The following MICU2 variants were observed in gnomAD, a reference collection of about 807,000 sequenced individuals.
The protein encoded by MICU2 is calcium uptake protein 2, mitochondrial.
In MICU2, 64 loss-of-function variants were observed where a neutral mutation model predicts 60.4. The observed-to-expected ratio is 1.06, with a 90% CI of 0.87 to 1.31. The LOEUF (loss-of-function observed/expected upper bound fraction) is 1.31, where lower values mean the gene tolerates loss of function less well. Ranked by LOEUF, MICU2 falls within the 50% of genes most tolerant of loss-of-function variation. The pLI is 0.00. For missense variants in MICU2, 569 were observed against 531.0 expected (o/e 1.07, Z -0.70); for synonymous variants, 201 against 175.0 (o/e 1.15, Z -1.17).
intron 1 of MICU2, among the ~76,000 whole-genome samples, chr13:21,591,787 G>A (rs1410587689): frequency 6.6e-6 from 1 of 152,114 alleles, no homozygotes; most frequent in African/African-American, 2.4e-5. Flanking sequence ...GGTAAATAAA[G>A]AAATTAAGGG....
At chr13:21,548,756 T>A (rs1055724369) in intron 2 of MICU2, among the ~76,000 whole-genome samples, 3 of 151,976 alleles carry the variant, frequency 2.0e-5, no homozygotes, top group African/African-American at 7.3e-5. Context: ...CTCAAACTTG[T>A]TTGATCAAAA....
At chr13:21,497,471 G>T (rs1283477574) in intron 9 of MICU2, among the ~76,000 whole-genome samples, 1 of 152,186 alleles carries the variant, frequency 6.6e-6, no homozygotes, top group African/African-American at 2.4e-5. Context: ...CACTTTGGAA[G>T]GCTGAGGTGG....
At chr13:21,495,388 A>G in intron 10 of MICU2, 70 bp from the exon 11 acceptor site, 9 of 1,344,492 alleles carry the variant, frequency 6.7e-6, no homozygotes, top group Non-Finnish European at 8.8e-6. Flanking sequence ...CTAAATTTTC[A>G]TTATTTGAGA....
chr13:21,495,843 CTTT>C, intron 10 of MICU2: 1 of 437,596 alleles, frequency 2.3e-6, no homozygotes, highest in South Asian at 3.1e-5. Context: ...CTTCTTCCTT[CTTT>C]TTAGGAGAAT....
intron 7 of MICU2, among the ~76,000 whole-genome samples, chr13:21,512,814 C>T (rs1413124743): frequency 6.6e-6 from 1 of 152,150 alleles, no homozygotes; most frequent in Non-Finnish European, 1.5e-5. Flanking sequence ...AAATCCAATG[C>T]CATGAAGCTT....
At chr13:21,558,326 T>C (rs944298539) in intron 2 of MICU2, among the ~76,000 whole-genome samples, 9 of 152,174 alleles carry the variant, frequency 5.9e-5, no homozygotes, top group African/African-American at 1.9e-4. Flanking sequence ...GCTCCACTAA[T>C]TTGGGGTCCT....
intron 2 of MICU2, among the ~76,000 whole-genome samples, chr13:21,550,956 T>G (rs2138018235): frequency 6.6e-6 from 1 of 152,376 alleles, no homozygotes; most frequent in East Asian, 1.9e-4. Context: ...TATACAATAA[T>G]GCCCATTCTT....
chr13:21,596,153 C>G (rs188303581), intron 1 of MICU2, among the ~76,000 whole-genome samples: 1 of 152,096 alleles, frequency 6.6e-6, no homozygotes, highest in Non-Finnish European at 1.5e-5. Context: ...TTGTCACTTC[C>G]ATTCAGTGCT....
chr13:21,589,785 G>A (rs1004262616), intron 1 of MICU2, among the ~76,000 whole-genome samples: 3 of 131,018 alleles, frequency 2.3e-5, no homozygotes, highest in South Asian at 2.6e-4. Context: ...CACTCACCCC[G>A]TAGTGCACTC....
intron 4 of MICU2, chr13:21,530,883 C>T (rs1886979414): frequency 4.0e-6 from 3 of 756,532 alleles, no homozygotes; most frequent in South Asian, 1.4e-5. Context: ...TCCTGTACAG[C>T]GACAGAGCAG....
intron 2 of MICU2, among the ~76,000 whole-genome samples, chr13:21,562,994 T>G (rs1358850888): frequency 6.6e-6 from 1 of 152,158 alleles, no homozygotes; most frequent in African/African-American, 2.4e-5. Context: ...TGAAGGATAA[T>G]TTTCACTAGA....
At chr13:21,559,484 A>G (rs188365593) in intron 2 of MICU2, among the ~76,000 whole-genome samples, 20 of 152,094 alleles carry the variant, frequency 1.3e-4, no homozygotes, top group Middle Eastern at 3.4e-3. Flanking sequence ...TTAATTTTAT[A>G]TAACAGTTCT....
In MICU2 at chr13:21,525,860, C is replaced by T. The variant is rs561885987; in HGVS notation, c.467-3210G>A. Among the ~76,000 whole-genome samples, 17 of 151,614 alleles carry T rather than the reference C, an allele frequency of 1.1e-4. No homozygotes were observed. The East Asian group carries it at 1.2e-3, about 10-fold the overall frequency. On this transcript the variant is annotated intron_variant, in intron 4 of 11. Transcript: ENST00000382374. ...TTCTCCCATTTGTGGGTCTTTTCTT[C>T]ACTCTCTTGACAGTGTTCTTTGATT...
chr13:21,538,239 C>T (rs530157613), intron 4 of MICU2, among the ~76,000 whole-genome samples: 8 of 151,884 alleles, frequency 5.3e-5, no homozygotes, highest in African/African-American at 7.2e-5. Context: ...GTTGGCCCTC[C>T]GCATCCATGC....
At chr13:21,603,726 C>T (rs892077752) in intron 1 of MICU2, 6 of 580,864 alleles carry the variant, frequency 1.0e-5, no homozygotes, top group African/African-American at 4.0e-5. Context: ...GAGGCAGAAT[C>T]TCCGGTCACC....
intron 1 of MICU2, chr13:21,603,553 T>G (rs971501073): frequency 2.0e-5 from 5 of 249,410 alleles, no homozygotes; most frequent in Non-Finnish European, 3.8e-5. Context: ...CACCTGCGGA[T>G]GTGAATGCCA....
At chr13:21,540,955 A>G (rs1011592288) in intron 2 of MICU2, among the ~76,000 whole-genome samples, 10 of 152,146 alleles carry the variant, frequency 6.6e-5, no homozygotes, top group Non-Finnish European at 1.5e-4. Context: ...TAAAAAAGAA[A>G]CTGATCATTA....
At chr13:21,597,091 T>C (rs1156564275) in intron 1 of MICU2, among the ~76,000 whole-genome samples, 1 of 152,168 alleles carries the variant, frequency 6.6e-6, no homozygotes, top group African/African-American at 2.4e-5. Context: ...AAGACAAATA[T>C]AAATGTTAAT....
intron 1 of MICU2, among the ~76,000 whole-genome samples, chr13:21,596,768 T>C (rs1468072109): frequency 6.6e-6 from 1 of 152,072 alleles, no homozygotes; most frequent in East Asian, 1.9e-4. Flanking sequence ...CTCAAACACA[T>C]AGTATGTAAA....
Sources: gnomAD v4.1 joint callset for allele counts (sites outside exome capture counted in the v4.1 genomes callset) on GRCh38, gnomAD v4.1.1 for gene constraint, MANE v1.5 for transcripts, NCBI Gene and HGNC (gene_info 2026-07-23, HGNC 2026-07-21) for gene names.